Variants in NR2C1 observed in about 807,000 individuals in gnomAD.
NR2C1 encodes the protein nuclear receptor subfamily 2 group C member 1.
NR2C1 carries 33 observed loss-of-function variants against 74.8 expected under a neutral mutation model. That is an observed-to-expected ratio of 0.44 (90% CI 0.33 to 0.59). The LOEUF (loss-of-function observed/expected upper bound fraction) is 0.59, where lower values mean the gene tolerates loss of function less well. NR2C1 is among the 20% of genes least tolerant of loss of function. The pLI is 0.02. For missense variants in NR2C1, 568 were observed against 715.6 expected, an observed-to-expected ratio of 0.79 and a Z score of 2.35; for synonymous variants, 225 against 240.6, an observed-to-expected ratio of 0.94 and a Z score of 0.60.
chr12:95,030,473 A>G (rs1386657404), intron 11 of NR2C1: 1 of 1,502,428 alleles, frequency 6.7e-7, no homozygotes, highest in Non-Finnish European at 8.9e-7. Context: ...ATCCATTAGT[A>G]ATTAGTCAAC....
At chr12:95,031,032 T>A (rs1308880383) in intron 11 of NR2C1, among the ~76,000 whole-genome samples, 1 of 152,222 alleles carries the variant, frequency 6.6e-6, no homozygotes, top group East Asian at 1.9e-4. Flanking sequence ...GAGTAGTATA[T>A]GTTTTAAAAT....
intron 4 of NR2C1, 56 bp from the exon 5 acceptor site, chr12:95,058,545 G>A (rs1874247046): frequency 1.8e-5 from 25 of 1,387,568 alleles, no homozygotes; most frequent in Non-Finnish European, 2.4e-5. Context: ...GAACAGAAAT[G>A]ACATAAGCCA....
chr12:95,036,769 C>T (rs553658672), intron 10 of NR2C1, among the ~76,000 whole-genome samples: 126 of 152,238 alleles, frequency 8.3e-4, no homozygotes, highest in Non-Finnish European at 1.3e-3. Context: ...CTTTGGCCTC[C>T]CAAAGTGCTG....
chr12:95,027,919 A>G (rs1252608520), intron 12 of NR2C1, among the ~76,000 whole-genome samples: 2 of 152,142 alleles, frequency 1.3e-5, no homozygotes, highest in African/African-American at 4.8e-5. Flanking sequence ...TTTTATGTCT[A>G]TACAGGTTTA....
chr12:95,037,719 C>A (rs1008705380), intron 10 of NR2C1, among the ~76,000 whole-genome samples: 11 of 151,928 alleles, frequency 7.2e-5, no homozygotes, highest in African/African-American at 2.7e-4. Flanking sequence ...CACGATGAAA[C>A]CCTGTCTCTA....
chr12:95,050,999 C>G (rs1872926398), intron 8 of NR2C1, among the ~76,000 whole-genome samples: 1 of 152,066 alleles, frequency 6.6e-6, no homozygotes, highest in Non-Finnish European at 1.5e-5. Flanking sequence ...GAAAAAATTC[C>G]TAGGTTTTAA....
At position 95,062,572 on chromosome 12, in the gene NR2C1, G is replaced by A. The variant is rs2136190481; in HGVS notation, c.221C>T (p.Pro74Leu). The change falls in exon 3 of 14, where the codon CCA becomes CTA. Residue 74 changes from proline (P) to leucine (L), a missense_variant. Transcript: ENST00000333003. ...STPGKVFLTT[P>L]DAAGVNQLFF... ...TAACTGGTTGACACCTGCTGCATCT[G>A]GAGTTGTAAGGAAAACTTTTCCCGG... 6.2e-7 allele frequency: 1 copy of A among 1,613,894 alleles called. No individual in the cohort carries two copies. Among genetic ancestry groups the A allele is most frequent in the African/African-American group, 1.3e-5 (1 of 75,030 alleles).
intron 10 of NR2C1, among the ~76,000 whole-genome samples, chr12:95,031,890 CAG>C (rs1870158505): frequency 6.6e-6 from 1 of 152,186 alleles, no homozygotes; most frequent in Non-Finnish European, 1.5e-5. Context: ...TGTTTTGAGA[CAG>C]AGTCTTGCTC....
intron 10 of NR2C1, among the ~76,000 whole-genome samples, chr12:95,036,272 TAA>T (rs368229386): frequency 1.3e-4 from 16 of 127,194 alleles, no homozygotes; most frequent in Admixed American, 1.6e-4. Flanking sequence ...ATGTTGAGAT[TAA>T]AAAAAAAAAA....
At chr12:95,065,766 A>T (rs974369080) in intron 2 of NR2C1, among the ~76,000 whole-genome samples, 12 of 152,054 alleles carry the variant, frequency 7.9e-5, no homozygotes, top group African/African-American at 2.7e-4. Flanking sequence ...CCTGAGCAAC[A>T]AGCTGAAACC....
chr12:95,031,021 T>G (rs1031320979), intron 11 of NR2C1: 36 of 716,732 alleles, frequency 5.0e-5, no homozygotes, highest in Non-Finnish European at 7.5e-5. Context: ...TAAAAATTGC[T>G]GAGTAGTATA....
At position 95,020,950 on chromosome 12, in the gene NR2C1, G is replaced by A. The variant is rs1284079617; in HGVS notation, c.*1279C>T. The stretch of plus-strand genomic sequence containing the variant: ...TCTTTATTTTAAAAAATTATCAATA[G>A]CTTCAAAATAATGTTTAAACTTGCC... On this transcript the variant is annotated 3_prime_UTR_variant, in exon 14 of 14. Coordinates refer to ENST00000333003, the MANE Select transcript of NR2C1 (RefSeq NM_003297.4). 1.3e-5 allele frequency: 2 copies of A among 152,092 alleles called. No homozygotes were observed. Among genetic ancestry groups the A allele is most frequent in the African/African-American group, 4.8e-5 (2 of 41,440 alleles). The allele number at this position is 152,092 out of a possible 1,614,324, so 9.4% of individuals were successfully genotyped here.
At chr12:95,071,374 T>C (rs1373744421) in intron 1 of NR2C1, among the ~76,000 whole-genome samples, 2 of 152,186 alleles carry the variant, frequency 1.3e-5, no homozygotes, top group Non-Finnish European at 1.5e-5. Flanking sequence ...TCTAGACAAG[T>C]TCATAAAAGA....
chr12:95,029,559 CTTTT>C (rs34742046), intron 11 of NR2C1, among the ~76,000 whole-genome samples: 2 of 130,100 alleles, frequency 1.5e-5, no homozygotes, highest in Admixed American at 7.9e-5. Context: ...GTAATGGTTC[CTTTT>C]TTTTTTTTTT....
chr12:95,027,385 C>T (rs1032176834), intron 12 of NR2C1, among the ~76,000 whole-genome samples: 5 of 152,178 alleles, frequency 3.3e-5, no homozygotes, highest in Non-Finnish European at 5.9e-5. Flanking sequence ...ACTGACTTCT[C>T]AACCTCCCTT....
chr12:95,053,681 G>GTTGTTT (rs764023645), intron 7 of NR2C1, among the ~76,000 whole-genome samples: 6 of 103,398 alleles, frequency 5.8e-5, no homozygotes, highest in Admixed American at 4.2e-4. Context: ...TCTTTTTGGT[G>GTTGTTT]TTTTTTTTTT....
Position 95,062,715 on chromosome 12 carries a change from C to T in NR2C1, c.78G>A (p.Gly26=). The T allele has an allele frequency of 6.2e-7, 1 of 1,613,738 alleles. No homozygotes were observed. Among genetic ancestry groups the T allele is most frequent in the South Asian group, 1.1e-5 (1 of 91,066 alleles). Residue 26 remains glycine, a synonymous_variant, in exon 3 of 14, where the codon GGG becomes GGA. Transcript: ENST00000333003. ...MGEIVTEQQT[G]QKIQIVTALD... is the part of the protein sequence containing the mutation. ...GTGCTGTCACAATCTGGATTTTCTG[C>T]CCAGTTTGCTGCTCTGTAACAATCT...
intron 7 of NR2C1, among the ~76,000 whole-genome samples, chr12:95,057,207 C>T (rs1435910224): frequency 6.8e-6 from 1 of 147,542 alleles, no homozygotes; most frequent in Admixed American, 6.9e-5. Flanking sequence ...CGGGTTCAAG[C>T]GATTCTCCTG....
Position 95,029,010 on chromosome 12 carries a change from C to G in NR2C1, c.1394-486G>C, listed in dbSNP as rs139118055. Among the ~76,000 whole-genome samples, 1,102 of 152,228 alleles carry G rather than the reference C, an allele frequency of 7.2e-3. 12 individuals are homozygous for G. Among genetic ancestry groups the G allele is most frequent in the African/African-American group, 0.024 (985 of 41,524 alleles). On this transcript the variant is annotated intron_variant, in intron 11 of 13. Transcript: ENST00000333003. ...AGTATTTCTGCAATTATAGCTAAAA[C>G]TAATCTTAAGATATTATTCATTCAA...
Sources: gnomAD v4.1 joint callset for allele counts (sites outside exome capture counted in the v4.1 genomes callset) on GRCh38, gnomAD v4.1.1 for gene constraint, MANE v1.5 for transcripts, NCBI Gene and HGNC (gene_info 2026-07-23, HGNC 2026-07-21) for gene names.